The following CCDC152 variants were observed in gnomAD, a reference collection of about 807,000 sequenced individuals.
CCDC152 encodes the protein coiled-coil domain containing 152, also known as coiled-coil domain-containing protein 152.
In CCDC152, 37 loss-of-function variants were observed where a neutral mutation model predicts 38.1. The observed-to-expected ratio is 0.97, with a 90% confidence interval of 0.75 to 1.28. The LOEUF is 1.28. CCDC152 is among the 50% of genes most tolerant of loss of function. CCDC152 has a pLI of 0.00. For missense variants in CCDC152, 259 were observed against 292.1 expected, an observed-to-expected ratio of 0.89 and a Z score of 0.83; for synonymous variants, 83 against 87.1, an observed-to-expected ratio of 0.95 and a Z score of 0.26.
chr5:42,776,821 C>T (rs1490211598), intron 4 of CCDC152, among the ~76,000 whole-genome samples: 2 of 151,666 alleles, frequency 1.3e-5, no homozygotes, highest in South Asian at 2.1e-4. Flanking sequence ...ATACAGTGGT[C>T]AAAAAACAAA....
At chr5:42,783,404 C>A in intron 5 of CCDC152, 70 bp from the exon 6 acceptor site, 2 of 567,162 alleles carry the variant, frequency 3.5e-6, no homozygotes, top group Non-Finnish European at 2.4e-6. Context: ...GAGAATTTCA[C>A]CTTTCTAGGA....
At chr5:42,762,673 A>C (rs1340294975) in intron 3 of CCDC152, 125 bp downstream of exon 3, 7 of 641,318 alleles carry the variant, frequency 1.1e-5, no homozygotes, top group South Asian at 7.0e-5. Context: ...CCAGATTATC[A>C]TCTCATTTAT....
intron 3 of CCDC152, among the ~76,000 whole-genome samples, chr5:42,763,896 G>C (rs1477072245): frequency 1.3e-5 from 2 of 152,160 alleles, no homozygotes. Context: ...GACTTTCTAA[G>C]TGTATGACAC....
At chr5:42,792,591 A>G (rs1416293345) in intron 6 of CCDC152, among the ~76,000 whole-genome samples, 1 of 152,204 alleles carries the variant, frequency 6.6e-6, no homozygotes, top group African/African-American at 2.4e-5. Context: ...ATTGTATACT[A>G]GGAGCTACCA....
chr5:42,768,112 A>G (rs1041374919), intron 3 of CCDC152, among the ~76,000 whole-genome samples: 5 of 152,174 alleles, frequency 3.3e-5, no homozygotes, highest in Non-Finnish European at 7.3e-5. Flanking sequence ...TCTCATTTCT[A>G]TCAGCATAGT....
At chr5:42,792,548 C>A (rs1760018353) in intron 6 of CCDC152, among the ~76,000 whole-genome samples, 2 of 152,172 alleles carry the variant, frequency 1.3e-5, no homozygotes, top group African/African-American at 4.8e-5. Flanking sequence ...TTCCAGATTA[C>A]TTCTGGTGAA....
rs865877354 is a variant in CCDC152 at position 42,773,589 on chromosome 5, C to G, written c.262+3924C>G. On this transcript the variant is annotated intron_variant, in intron 4 of 8. Transcript: ENST00000361970. ...GATTGATAGATAAAATTAGCTAGTT[C>G]TAATCAAACTAATCCTTTCAAAATG... 2.0e-5 allele frequency among the ~76,000 whole-genome samples: 3 copies of G among 152,030 alleles called. No individual in the cohort carries two copies. In the South Asian group the frequency reaches 6.2e-4, roughly 32 times the overall value.
chr5:42,761,126 A>T, intron 2 of CCDC152, among the ~76,000 whole-genome samples: 1 of 152,292 alleles, frequency 6.6e-6, no homozygotes, highest in Non-Finnish European at 1.5e-5. Flanking sequence ...ACTGTTCATG[A>T]GTTGATTTTT....
At chr5:42,758,518 T>C (rs1202463016) in intron 1 of CCDC152, among the ~76,000 whole-genome samples, 1 of 152,256 alleles carries the variant, frequency 6.6e-6, no homozygotes, top group Non-Finnish European at 1.5e-5. Flanking sequence ...CCAGTCAGAA[T>C]GGATAAATTG....
intron 4 of CCDC152, among the ~76,000 whole-genome samples, chr5:42,769,946 G>A (rs1188880092): frequency 2.0e-5 from 3 of 152,172 alleles, no homozygotes; most frequent in Non-Finnish European, 2.9e-5. Flanking sequence ...ATTCTCAGTA[G>A]CATTCTTGGT....
intron 4 of CCDC152, among the ~76,000 whole-genome samples, chr5:42,778,017 G>A (rs1759791035): frequency 6.6e-6 from 1 of 152,160 alleles, no homozygotes. Context: ...TTCAGATAAT[G>A]TCAAAAATCT....
At chr5:42,788,707 A>G (rs1158551857) in intron 6 of CCDC152, among the ~76,000 whole-genome samples, 1 of 152,208 alleles carries the variant, frequency 6.6e-6, no homozygotes, top group East Asian at 1.9e-4. Flanking sequence ...CTGCAAGTCT[A>G]TGGATTGTCT....
chr5:42,799,318 A>C, intron 7 of CCDC152, 57 bp from the exon 8 acceptor site: 1 of 896,124 alleles, frequency 1.1e-6, no homozygotes, highest in South Asian at 1.6e-5. Context: ...ATAATTATAG[A>C]AACAATTGTT....
intron 2 of CCDC152, among the ~76,000 whole-genome samples, chr5:42,760,207 C>T (rs915419580): frequency 6.7e-6 from 1 of 150,198 alleles, no homozygotes; most frequent in Non-Finnish European, 1.5e-5. Flanking sequence ...CGGAGGCTGA[C>T]GCAGGAGAAT....
At position 42,783,597 on chromosome 5, in the gene CCDC152, CT is replaced by C. The variant is rs1178747807; in HGVS notation, c.430+27del. 8.8e-6 allele frequency: 11 copies of C among 1,244,472 alleles called. No homozygotes were observed. In the Admixed American group the frequency reaches 1.4e-4, roughly 16 times the overall value. The allele number at this position is 1,244,472 out of a possible 1,614,324, so 77.1% of individuals were successfully genotyped here. A position where few individuals can be genotyped will look rare whatever the true frequency, so the allele number is the denominator to read the frequency against. ...AAAAGGTAAGTTTAAAATAAACTTG[CT>C]TTTTTGTTATTGATTCAACAGATAT... On this transcript the variant is annotated intron_variant, in intron 6 of 8. Coordinates refer to ENST00000361970, the MANE Select transcript of CCDC152 (RefSeq NM_001134848.2).
chr5:42,799,146 A>C (rs1319450652), intron 7 of CCDC152, among the ~76,000 whole-genome samples: 1 of 152,148 alleles, frequency 6.6e-6, no homozygotes, highest in Non-Finnish European at 1.5e-5. Context: ...ACAAAGAAAA[A>C]AAAAACCTCT....
chr5:42,773,574 T>C (rs1579711007), intron 4 of CCDC152, among the ~76,000 whole-genome samples: 1 of 152,176 alleles, frequency 6.6e-6, no homozygotes, highest in Non-Finnish European at 1.5e-5. Flanking sequence ...GATTGATAGA[T>C]AAAATTAGCT....
chr5:42,770,291 T>G (rs1216658739), intron 4 of CCDC152, among the ~76,000 whole-genome samples: 1 of 152,214 alleles, frequency 6.6e-6, no homozygotes, highest in African/African-American at 2.4e-5. Context: ...ATTTCTCATC[T>G]TAGACCTCTG....
intron 3 of CCDC152, among the ~76,000 whole-genome samples, chr5:42,763,337 T>C (rs755162235): frequency 2.1e-4 from 32 of 152,098 alleles, no homozygotes; most frequent in Non-Finnish European, 4.0e-4. Flanking sequence ...AAATAAACAA[T>C]TGGGGAAGAA....
Sources: allele counts gnomAD v4.1 joint callset (sites outside exome capture counted in the v4.1 genomes callset), GRCh38; gene constraint gnomAD v4.1.1; transcripts MANE v1.5; gene names NCBI Gene and HGNC (gene_info 2026-07-23, HGNC 2026-07-21).